The following SNX29 variants were observed in gnomAD, a reference collection of about 807,000 sequenced individuals.
The protein encoded by SNX29 is sorting nexin 29.
A neutral mutation model predicts 102.1 loss-of-function variants in SNX29; 78 were observed. That is an observed-to-expected ratio of 0.76 (90% CI 0.64 to 0.92). The LOEUF (loss-of-function observed/expected upper bound fraction) is 0.92. Ranked by LOEUF, SNX29 falls within the 40% of genes least tolerant of loss-of-function variation. SNX29 has a pLI of 0.00. For synonymous variants in SNX29, 580 were observed against 414.5 expected, an observed-to-expected ratio of 1.40 and a Z score of -4.85; for missense variants, 1,280 against 1,061.7, an observed-to-expected ratio of 1.21 and a Z score of -2.86.
chr16:12,197,323 A>G (rs1471232916), intron 13 of SNX29, among the ~76,000 whole-genome samples: 1 of 152,138 alleles, frequency 6.6e-6, no homozygotes, highest in Non-Finnish European at 1.5e-5. Flanking sequence ...TAATCCCAGC[A>G]CTTGGGGAGG....
chr16:12,435,024 G>A lies in SNX29; in HGVS notation c.2037+31495G>A, dbSNP rs567776235. Among the ~76,000 whole-genome samples the A allele has an allele frequency of 1.4e-4, 22 of 152,206 alleles. 1 individual carries two copies. In the South Asian group the frequency reaches 4.4e-3, roughly 30 times the overall value. On this transcript the variant is annotated intron_variant, in intron 18 of 20. Transcript: ENST00000566228. ...TCATGGGGAAGAGGCTGTGATCTGT[G>A]ACCAGGTCATATACCAGGAGCTTGA...
intron 18 of SNX29, among the ~76,000 whole-genome samples, chr16:12,409,910 T>C (rs1422048459): frequency 6.6e-6 from 1 of 152,234 alleles, no homozygotes; most frequent in East Asian, 1.9e-4. Context: ...TGTTGTACAA[T>C]ATTTCATTTG....
chr16:12,076,015 C>CAGTATTT (rs2051547797), intron 10 of SNX29, among the ~76,000 whole-genome samples: 2 of 152,068 alleles, frequency 1.3e-5, no homozygotes, highest in African/African-American at 4.8e-5. Flanking sequence ...CTAAGCCCTT[C>CAGTATTT]GGAAAAGCGC....
Position 12,363,500 on chromosome 16 carries a change from A to G in SNX29, c.1899+7221A>G, listed in dbSNP as rs575783525. Among the ~76,000 whole-genome samples, 8 of 152,284 alleles carry G rather than the reference A, an allele frequency of 5.3e-5. No homozygotes were observed. In the South Asian group the frequency reaches 1.7e-3, roughly 32 times the overall value. ...CCTCTTCTATCTGCTGGGAATAAAC[A>G]TAGTGCTGACCATAGTGCGAGGTTC... On this transcript the variant is annotated intron_variant, in intron 16 of 20. Transcript: ENST00000566228.
chr16:12,071,812 G>A (rs1810018100), intron 10 of SNX29, among the ~76,000 whole-genome samples: 1 of 152,160 alleles, frequency 6.6e-6, no homozygotes, highest in Non-Finnish European at 1.5e-5. Context: ...AGCATGGAAT[G>A]TTCTTCCATT....
rs571024589 is a variant in SNX29, at chr16:12,553,326, C to G, written c.2319-15180C>G. On this transcript the variant is annotated intron_variant, in intron 20 of 20. Transcript: ENST00000566228. ...CACCTGGCCCTGGGAAACGCCCTAA[C>G]AAGGCAGGCAGAGAAACCAGCTCGT... is the stretch of plus-strand genomic sequence containing the variant. Among the ~76,000 whole-genome samples, 308 of 152,326 alleles carry G rather than the reference C, an allele frequency of 2.0e-3. 1 individual carries two copies. The highest frequency in any genetic ancestry group is 7.0e-3 in the African/African-American group (291 of 41,576).
At chr16:12,034,965 C>T (rs373662710) in intron 4 of SNX29, among the ~76,000 whole-genome samples, 2 of 151,924 alleles carry the variant, frequency 1.3e-5, no homozygotes, top group African/African-American at 4.8e-5. Flanking sequence ...GAGCCGAGAC[C>T]GTGCCCTGGC....
chr16:12,269,291 A>C (rs954703573), intron 14 of SNX29, among the ~76,000 whole-genome samples: 2 of 152,206 alleles, frequency 1.3e-5, no homozygotes, highest in African/African-American at 2.4e-5. Context: ...AACTAGGTTG[A>C]TTGGCTCAAT....
intron 19 of SNX29, among the ~76,000 whole-genome samples, chr16:12,508,912 G>A (rs772947815): frequency 6.6e-5 from 10 of 152,170 alleles, no homozygotes; most frequent in Non-Finnish European, 1.5e-4. Context: ...ACACTGTGGG[G>A]TCCTGGCCAT....
chr16:12,458,131 T>C (rs1357528603), intron 18 of SNX29, among the ~76,000 whole-genome samples: 2 of 152,224 alleles, frequency 1.3e-5, no homozygotes, highest in African/African-American at 4.8e-5. Context: ...TGGAGAGCCT[T>C]AACAGCTTCA....
At chr16:12,287,795 G>A (rs191265700) in intron 15 of SNX29, among the ~76,000 whole-genome samples, 19 of 152,280 alleles carry the variant, frequency 1.2e-4, no homozygotes, top group African/African-American at 4.1e-4. Flanking sequence ...TAATCCATAT[G>A]TTCTGTCACC....
intron 13 of SNX29, among the ~76,000 whole-genome samples, chr16:12,177,052 A>G (rs1002624423): frequency 9.2e-5 from 14 of 152,052 alleles, no homozygotes; most frequent in South Asian, 2.1e-4. Context: ...GGATCAAGCA[A>G]TCCTCCTACC....
chr16:12,434,281 T>G (rs1376291103), intron 18 of SNX29, among the ~76,000 whole-genome samples: 1 of 152,148 alleles, frequency 6.6e-6, no homozygotes. Flanking sequence ...GTGTACAAAG[T>G]AGTAAGCTCT....
intron 20 of SNX29, among the ~76,000 whole-genome samples, chr16:12,546,059 C>T (rs917021220): frequency 1.3e-5 from 2 of 152,204 alleles, no homozygotes; most frequent in African/African-American, 4.8e-5. Flanking sequence ...GGGAGTGAAG[C>T]AGTCCTGGGT....
chr16:11,998,354 T>C (rs1047512544), intron 1 of SNX29, among the ~76,000 whole-genome samples: 2 of 152,232 alleles, frequency 1.3e-5, no homozygotes, highest in Non-Finnish European at 2.9e-5. Flanking sequence ...TGCCTGGTGC[T>C]TTCAAGTGCT....
intron 20 of SNX29, among the ~76,000 whole-genome samples, chr16:12,530,428 C>T (rs1033166748): frequency 2.0e-5 from 3 of 152,144 alleles, no homozygotes; most frequent in Non-Finnish European, 2.9e-5. Context: ...AAACAGCACC[C>T]ACCCCATGCA....
intron 4 of SNX29, among the ~76,000 whole-genome samples, chr16:12,031,828 C>CAA (rs145510898): frequency 9.5e-4 from 142 of 149,770 alleles, no homozygotes; most frequent in Admixed American, 2.3e-3. Flanking sequence ...GCAAAACGAA[C>CAA]AAAAAAAAAA....
chr16:12,186,964 G>C (rs754433048), intron 13 of SNX29, among the ~76,000 whole-genome samples: 1 of 152,204 alleles, frequency 6.6e-6, no homozygotes, highest in Non-Finnish European at 1.5e-5. Flanking sequence ...GGCCGGGGCT[G>C]ACTGTGGCTC....
intron 4 of SNX29, among the ~76,000 whole-genome samples, chr16:12,034,316 G>A (rs560217494): frequency 6.6e-6 from 1 of 152,258 alleles, no homozygotes; most frequent in East Asian, 1.9e-4. Flanking sequence ...CCCTGCTTTC[G>A]GTTCCCTGTT....
Sources: gnomAD v4.1 joint callset for allele counts (sites outside exome capture counted in the v4.1 genomes callset) on GRCh38, gnomAD v4.1.1 for gene constraint, MANE v1.5 for transcripts, NCBI Gene and HGNC (gene_info 2026-07-23, HGNC 2026-07-21) for gene names.